Variants in ROR1 observed in about 807,000 individuals in gnomAD.
The protein encoded by ROR1 is inactive tyrosine-protein kinase transmembrane receptor ROR1.
ROR1 carries 19 observed loss-of-function variants against 78.8 expected under a neutral mutation model. The observed-to-expected ratio is 0.24, with a 90% CI of 0.17 to 0.35. ROR1 has a LOEUF of 0.35. ROR1 is among the 10% of genes least tolerant of loss of function. The pLI is 1.00. For missense variants in ROR1, 917 were observed against 1,177.8 expected (o/e 0.78, Z 3.24); for synonymous variants, 386 against 433.6 (o/e 0.89, Z 1.36).
At chr1:64,089,893 C>G (rs559482382) in intron 4 of ROR1, among the ~76,000 whole-genome samples, 2 of 152,158 alleles carry the variant, frequency 1.3e-5, no homozygotes, top group South Asian at 2.1e-4. Context: ...GCAGTTTCCC[C>G]CATACTGTTC....
At chr1:64,071,598 CAG>C (rs1459060085) in intron 4 of ROR1, among the ~76,000 whole-genome samples, 1 of 151,202 alleles carries the variant, frequency 6.6e-6, no homozygotes, top group African/African-American at 2.4e-5. Flanking sequence ...CACACACACA[CAG>C]ACACACACAC....
rs17126097 is a variant in ROR1 at position 64,073,471 on chromosome 1, C to T, written c.482+22755C>T. 2.0e-5 allele frequency among the ~76,000 whole-genome samples: 3 copies of T among 152,060 alleles called. No homozygotes were observed. The East Asian group carries it at 5.8e-4, about 29-fold the overall frequency. On this transcript the variant is annotated intron_variant, in intron 4 of 8. Coordinates refer to ENST00000371079, the MANE Select transcript of ROR1 (RefSeq NM_005012.4). Reference sequence around the variant, plus strand: ...TGACTTCAATTTTTTGAAGACTGGGCCCTAAGAACTGGACATGATGAAGCT... The same window carrying T: ...TGACTTCAATTTTTTGAAGACTGGGTCCTAAGAACTGGACATGATGAAGCT...
chr1:63,995,664 T>C (rs997852964), intron 1 of ROR1, among the ~76,000 whole-genome samples: 3 of 152,338 alleles, frequency 2.0e-5, no homozygotes, highest in Admixed American at 2.0e-4. Flanking sequence ...TTAACCTCAT[T>C]GAGCCTTAGA....
At chr1:63,840,731 A>G (rs1645044462) in intron 1 of ROR1, among the ~76,000 whole-genome samples, 1 of 152,238 alleles carries the variant, frequency 6.6e-6, no homozygotes, top group African/African-American at 2.4e-5. Context: ...CTGAGGAGCC[A>G]GCTTGGCATC....
chr1:63,924,565 C>A (rs186285381), intron 1 of ROR1, among the ~76,000 whole-genome samples: 4 of 152,190 alleles, frequency 2.6e-5, no homozygotes, highest in South Asian at 2.1e-4. Flanking sequence ...TACTGCCTCC[C>A]GATACTTTCA....
intron 7 of ROR1, among the ~76,000 whole-genome samples, chr1:64,156,944 C>A (rs1333937713): frequency 6.6e-6 from 1 of 152,134 alleles, no homozygotes; most frequent in Non-Finnish European, 1.5e-5. Context: ...TTACTAGCAG[C>A]ATGTCCTTGG....
At position 64,132,717 on chromosome 1, in the gene ROR1, G is replaced by A. The variant is rs113879502; in HGVS notation, c.483-4652G>A. On this transcript the variant is annotated intron_variant, in intron 4 of 8. Transcript: ENST00000371079. ...GGAGGTTTCAGTGAGCTGAGATCGCGCCACTGCACTCCAGCCTGCGCAATG... is the reference window on the plus strand; with the variant it reads ...GGAGGTTTCAGTGAGCTGAGATCGCACCACTGCACTCCAGCCTGCGCAATG... Among the ~76,000 whole-genome samples the A allele has an allele frequency of 9.3e-3, 1,193 of 127,686 alleles. 10 individuals carry two copies. Among genetic ancestry groups the A allele is most frequent in the African/African-American group, 0.033 (1,150 of 34,570 alleles). The allele number at this position is 127,686 out of a possible 152,430, so 83.8% of individuals were successfully genotyped here.
chr1:63,863,764 T>C (rs1645197218), intron 1 of ROR1, among the ~76,000 whole-genome samples: 1 of 150,166 alleles, frequency 6.7e-6, no homozygotes, highest in Admixed American at 6.7e-5. Context: ...TTGTATTGTA[T>C]TGTATTGTAT....
chr1:64,019,507 G>A (rs956249790), intron 2 of ROR1, among the ~76,000 whole-genome samples: 2 of 152,174 alleles, frequency 1.3e-5, no homozygotes, highest in South Asian at 2.1e-4. Flanking sequence ...ACAGAAAAGG[G>A]TAGATTGATA....
At chr1:63,880,626 C>T (rs1489776294) in intron 1 of ROR1, among the ~76,000 whole-genome samples, 4 of 152,110 alleles carry the variant, frequency 2.6e-5, no homozygotes, top group African/African-American at 4.8e-5. Context: ...TAAACTTACT[C>T]GTGATTTAAT....
intron 1 of ROR1, among the ~76,000 whole-genome samples, chr1:63,969,766 C>A (rs2100495598): frequency 6.6e-6 from 1 of 152,102 alleles, no homozygotes; most frequent in South Asian, 2.1e-4. Flanking sequence ...TAACCACTAC[C>A]TCTCTTGAGG....
chr1:63,832,276 ATC>A (rs754342469), intron 1 of ROR1, among the ~76,000 whole-genome samples: 4 of 152,208 alleles, frequency 2.6e-5, no homozygotes, highest in Non-Finnish European at 4.4e-5. Context: ...ATTTTCAGAT[ATC>A]TCTATAGCAA....
chr1:63,818,752 C>T (rs1001208756), intron 1 of ROR1, among the ~76,000 whole-genome samples: 1 of 152,108 alleles, frequency 6.6e-6, no homozygotes, highest in Non-Finnish European at 1.5e-5. Flanking sequence ...TAAGGTATAA[C>T]CTATTATTAC....
intron 1 of ROR1, among the ~76,000 whole-genome samples, chr1:63,904,648 A>G (rs1342640566): frequency 6.6e-6 from 1 of 152,200 alleles, no homozygotes; most frequent in East Asian, 1.9e-4. Flanking sequence ...GGGCTGTTAA[A>G]CAGATTAAGT....
chr1:63,976,140 G>A (rs1403363350), intron 1 of ROR1, among the ~76,000 whole-genome samples: 1 of 152,170 alleles, frequency 6.6e-6, no homozygotes, highest in Non-Finnish European at 1.5e-5. Flanking sequence ...ATACCCCTGT[G>A]ATACACTAGT....
intron 4 of ROR1, among the ~76,000 whole-genome samples, chr1:64,134,654 C>A (rs1294467572): frequency 1.3e-5 from 2 of 152,034 alleles, no homozygotes; most frequent in Non-Finnish European, 2.9e-5. Context: ...GCATAGATAC[C>A]TAAGCCTCAT....
chr1:63,966,353 G>A (rs369541799), intron 1 of ROR1, among the ~76,000 whole-genome samples: 1 of 152,130 alleles, frequency 6.6e-6, no homozygotes, highest in Non-Finnish European at 1.5e-5. Flanking sequence ...ATCCCAGCTC[G>A]GCATGTCGAC....
At chr1:64,102,455 A>G (rs1647590466) in intron 4 of ROR1, among the ~76,000 whole-genome samples, 1 of 152,154 alleles carries the variant, frequency 6.6e-6, no homozygotes, top group Admixed American at 6.5e-5. Context: ...AGTCCCTCTC[A>G]GTCCCTCAGA....
chr1:64,112,094 G>A (rs570033224), intron 4 of ROR1: 1 of 152,266 alleles, frequency 6.6e-6, no homozygotes, highest in Non-Finnish European at 1.5e-5. Flanking sequence ...CTCGCGGGGG[G>A]TTGAAGAGGC....
Sources: allele counts gnomAD v4.1 joint callset (sites outside exome capture counted in the v4.1 genomes callset), GRCh38; gene constraint gnomAD v4.1.1; transcripts MANE v1.5; gene names NCBI Gene and HGNC (gene_info 2026-07-23, HGNC 2026-07-21).